EHMT2: variants seen among roughly 807,000 people sequenced by gnomAD.
EHMT2 encodes euchromatic histone lysine methyltransferase 2, also known as histone-lysine N-methyltransferase EHMT2.
Under a neutral mutation model 143.3 loss-of-function variants are expected in EHMT2, and 59 were observed. The observed-to-expected ratio is 0.41, with a 90% CI of 0.33 to 0.51. The LOEUF (loss-of-function observed/expected upper bound fraction) is 0.51. EHMT2 is among the 20% of genes least tolerant of loss of function. The pLI is 0.18. For missense variants in EHMT2, 1,174 were observed against 1,645.9 expected, an observed-to-expected ratio of 0.71 and a Z score of 4.96; for synonymous variants, 604 against 651.5, an observed-to-expected ratio of 0.93 and a Z score of 1.11.
rs766163016 is a variant in EHMT2 at position 31,880,692 on chromosome 6, G to A, written c.3433C>T (p.Arg1145Trp). 7.4e-6 allele frequency: 12 copies of A among 1,613,506 alleles called. No individual in the cohort carries two copies. Among genetic ancestry groups the A allele is most frequent in the East Asian group, 2.2e-5 (1 of 44,886 alleles). ...TCTCACCCTAGCTCCTCCCCAGTCCGGATGTCTCGGGAACTGAAGAAGGCG... is the reference window on the plus strand; with the variant it reads ...TCTCACCCTAGCTCCTCCCCAGTCCAGATGTCTCGGGAACTGAAGAAGGCG... The change falls in exon 27 of 28, where the codon CGG becomes TGG. Residue 1145 changes from arginine to tryptophan, a missense_variant. By Grantham distance (101) the Arg-to-Trp change is moderately radical. Transcript: ENST00000375537. This position sits in a 1 kb window ranked among gnomAD's most constrained non-coding sequence, Gnocchi z 6.6.
intron 18 of EHMT2, 104 bp downstream of exon 18, chr6:31,886,477 G>A (rs1764861221): frequency 2.3e-6 from 2 of 862,006 alleles, no homozygotes; most frequent in East Asian, 4.9e-5. Flanking sequence ...ACAGACACGA[G>A]CAGTGTGAGG....
chr6:31,882,117 TAA>T (rs9279449), intron 25 of EHMT2, among the ~76,000 whole-genome samples: 53 of 97,132 alleles, frequency 5.5e-4, no homozygotes, highest in Middle Eastern at 5.1e-3. Flanking sequence ...AAAAATAAAT[TAA>T]AAAAAAAAAA....
At chr6:31,893,225 G>C (rs1003085929) in intron 4 of EHMT2, 4 of 517,920 alleles carry the variant, frequency 7.7e-6, no homozygotes, top group African/African-American at 7.6e-5. Context: ...TACAACAGCT[G>C]AGGTGCGGAA....
rs1297544131 is a variant in EHMT2, at chr6:31,881,720, C to T, written c.3198-628G>A. ...ACTGAGGCCCAGCAGGAAGGGGCTG[C>T]TTGCCAGAGAAGTTGAGAGATGACA... On this transcript the variant is annotated intron_variant, in intron 25 of 27. Transcript: ENST00000375537. The surrounding 1 kb of genome is among the most constrained non-coding windows in gnomAD (Gnocchi z 4.8). Among the ~76,000 whole-genome samples, 1 of 152,176 alleles carries T rather than the reference C, an allele frequency of 6.6e-6. No homozygotes were observed.
chr6:31,896,169 G>C, intron 4 of EHMT2, 94 bp downstream of exon 4: 1 of 1,501,304 alleles, frequency 6.7e-7, no homozygotes. Flanking sequence ...TTAAATATGT[G>C]AATGAGTAAA....
At position 31,884,812 on chromosome 6, in the gene EHMT2, G is replaced by T. The variant is rs1764607145; in HGVS notation, c.2449-13C>A. 6.3e-7 allele frequency: 1 copy of T among 1,592,070 alleles called. No homozygotes were observed. The highest frequency in any genetic ancestry group is 1.3e-5 in the African/African-American group (1 of 74,424). On this transcript the variant is annotated splice_polypyrimidine_tract_variant and intron_variant, in intron 19 of 27. Transcript: ENST00000375537. The surrounding 1 kb of genome is among the most constrained non-coding windows in gnomAD (Gnocchi z 7.3). ...AGATGTTCTCCTCCTGTGGAGGTAG[G>T]AGGGGAACAGATGAGGTGCAGGCAG...
At chr6:31,896,962 G>A in exon 2 of EHMT2, 1 of 1,589,162 alleles carries the variant, frequency 6.3e-7, no homozygotes, top group Non-Finnish European at 8.5e-7. Flanking sequence ...TCCAGCAGCA[G>A]CGCCCCCATC....
intron 4 of EHMT2, chr6:31,893,225 G>A (rs1003085929): frequency 3.9e-6 from 2 of 517,920 alleles, no homozygotes; most frequent in Non-Finnish European, 7.1e-6. Flanking sequence ...TACAACAGCT[G>A]AGGTGCGGAA....
At chr6:31,886,663 C>T in exon 18 of EHMT2, 1 of 1,613,934 alleles carries the variant, frequency 6.2e-7, no homozygotes, top group Non-Finnish European at 8.5e-7. Flanking sequence ...GTGGTGGAGG[C>T]AGGTGGAACC....
intron 18 of EHMT2, 195 bp from the exon 19 acceptor site, chr6:31,885,211 C>A: frequency 1.5e-6 from 1 of 651,280 alleles, no homozygotes; most frequent in Non-Finnish European, 2.4e-6. Context: ...GGCGCGGTGG[C>A]TCATGCCTGT....
intron 7 of EHMT2, among the ~76,000 whole-genome samples, chr6:31,890,226 G>C (rs1765502867): frequency 6.6e-6 from 1 of 151,862 alleles, no homozygotes. Context: ...CAACTGAGCT[G>C]GTTTCTTTGA....
rs758474811 is a variant in EHMT2 at position 31,884,803 on chromosome 6, T to C, written c.2449-4A>G. On this transcript the variant is annotated splice_polypyrimidine_tract_variant and splice_region_variant and intron_variant, in intron 19 of 27. Coordinates refer to ENST00000375537, the Ensembl canonical transcript of EHMT2. The surrounding 1 kb of genome is among the most constrained non-coding windows in gnomAD (Gnocchi z 7.3). ...AGTGCAGGCAGATGTTCTCCTCCTG[T>C]GGAGGTAGGAGGGGAACAGATGAGG... 3 of 1,595,294 alleles carry C rather than the reference T, an allele frequency of 1.9e-6. No homozygotes were observed. The highest frequency in any genetic ancestry group is 2.2e-5 in the South Asian group (2 of 89,572).
Position 31,888,712 on chromosome 6 carries a change from G to A in EHMT2, c.1252C>T (p.Arg418Ter). ...CACAGGGGCAACTCCTCAAACCCTC[G>A]CTCTGTCTCCAGCGAAGATGTGTCA... The change falls in exon 11 of 28, where the codon CGA becomes TGA. Residue 418 changes from arginine to a stop codon, truncating the protein, a stop_gained. Coordinates refer to ENST00000375537, the Ensembl canonical transcript of EHMT2. LOFTEE classifies it high-confidence loss of function. The surrounding 1 kb of genome is among the most constrained non-coding windows in gnomAD (Gnocchi z 7.4). 6.2e-7 allele frequency: 1 copy of A among 1,613,646 alleles called. No homozygotes were observed. Among genetic ancestry groups the A allele is most frequent in the South Asian group, 1.1e-5 (1 of 91,086 alleles).
intron 1 of EHMT2, 136 bp downstream of exon 1, chr6:31,897,500 T>C: frequency 3.6e-6 from 1 of 278,304 alleles, no homozygotes; most frequent in Non-Finnish European, 5.2e-6. Flanking sequence ...CCGCCCCCGG[T>C]GCTGGCCCCC....
At position 31,880,361 on chromosome 6, in the gene EHMT2, CACCCA is replaced by C; in HGVS notation, c.3453-102_3453-98del. The C allele has an allele frequency of 7.3e-7, 1 of 1,369,030 alleles. No individual in the cohort carries two copies. The highest frequency in any genetic ancestry group is 1.0e-6 in the Non-Finnish European group (1 of 998,330). 84.8% of individuals were successfully genotyped at this position (1,369,030 alleles called of 1,614,324 possible). A position where few individuals can be genotyped will look rare whatever the true frequency, so the allele number is the denominator to read the frequency against. On this transcript the variant is annotated intron_variant, in intron 27 of 27. Transcript: ENST00000375537. The surrounding 1 kb of genome is among the most constrained non-coding windows in gnomAD (Gnocchi z 6.6). Reference sequence around the variant, plus strand: ...ATCCTGCTCCCTGAGAGGGACCCGACACCCAACCTATCTTCTCCAGATGGGATCTG... The same window carrying C: ...ATCCTGCTCCCTGAGAGGGACCCGACACCTATCTTCTCCAGATGGGATCTG...
At position 31,883,765 on chromosome 6, in the gene EHMT2, T is replaced by G; in HGVS notation, c.2916+41A>C. On this transcript the variant is annotated intron_variant, in intron 22 of 27. Transcript: ENST00000375537. The surrounding 1 kb of genome is among the most constrained non-coding windows in gnomAD (Gnocchi z 5.6). ...AGCTTGTCCAACTGTACTTGGCAGC[T>G]CTCGGTGTCCTTTTGGGGAGGCCCC... 3 of 1,604,030 alleles carry G rather than the reference T, an allele frequency of 1.9e-6. No individual in the cohort carries two copies. Among genetic ancestry groups the G allele is most frequent in the Non-Finnish European group, 1.7e-6 (2 of 1,174,582 alleles).
At position 31,883,302 on chromosome 6, in the gene EHMT2, G is replaced by A. The variant is rs1764357754; in HGVS notation, c.2994+60C>T. On this transcript the variant is annotated intron_variant, in intron 23 of 27. Coordinates refer to ENST00000375537, the Ensembl canonical transcript of EHMT2. The surrounding 1 kb of genome is among the most constrained non-coding windows in gnomAD (Gnocchi z 5.6). ...CATGGTCCCAGGGAGCTGGTTTATT[G>A]GAGGCTGGCTCCTCTGAAGGAGGGG... 1.0e-5 allele frequency: 16 copies of A among 1,546,958 alleles called. No individual in the cohort carries two copies. Among genetic ancestry groups the A allele is most frequent in the African/African-American group, 5.4e-5 (4 of 73,550 alleles).
Position 31,881,003 on chromosome 6 carries a change from C to A in EHMT2, c.3276+11G>T. ...TGGGGAGCAGCAGGGTAAGGAGGGTCTCCTGCTCACCTTGTTGTCTAAGTC... is the reference window on the plus strand; with the variant it reads ...TGGGGAGCAGCAGGGTAAGGAGGGTATCCTGCTCACCTTGTTGTCTAAGTC... On this transcript the variant is annotated intron_variant, in intron 26 of 27. Coordinates refer to ENST00000375537, the Ensembl canonical transcript of EHMT2. This position sits in a 1 kb window ranked among gnomAD's most constrained non-coding sequence, Gnocchi z 4.8. 1 of 1,612,034 alleles carries A rather than the reference C, an allele frequency of 6.2e-7. No homozygotes were observed. The highest frequency in any genetic ancestry group is 8.5e-7 in the Non-Finnish European group (1 of 1,179,232).
Position 31,888,569 on chromosome 6 carries a change from G to C in EHMT2, c.1365+30C>G. 1 of 1,610,296 alleles carries C rather than the reference G, an allele frequency of 6.2e-7. No homozygotes were observed. On this transcript the variant is annotated intron_variant, in intron 11 of 27. Transcript: ENST00000375537. The surrounding 1 kb of genome is among the most constrained non-coding windows in gnomAD (Gnocchi z 7.4). Reference sequence around the variant, plus strand: ...GCTGGGGCCGGGGACTGGACGCCCTGGCACCTCTCCCACCAGCCCACGGCC... The same window carrying C: ...GCTGGGGCCGGGGACTGGACGCCCTCGCACCTCTCCCACCAGCCCACGGCC...
Sources: allele counts gnomAD v4.1 joint callset (sites outside exome capture counted in the v4.1 genomes callset), GRCh38; gene constraint gnomAD v4.1.1; non-coding constraint Gnocchi (gnomAD v3.1); transcripts MANE v1.5; gene names NCBI Gene and HGNC (gene_info 2026-07-23, HGNC 2026-07-21).